The following UGT1A5 variants were observed in gnomAD, a reference collection of about 807,000 sequenced individuals.
UGT1A5 encodes UDP-glucuronosyltransferase 1A5.
UGT1A5 carries 29 observed loss-of-function variants against 40.3 expected under a neutral mutation model. The ratio of observed to expected loss-of-function variants is 0.72; its 90% CI spans 0.54 to 0.98. UGT1A5 has a LOEUF of 0.98. Ranked by LOEUF, UGT1A5 falls within the 50% of genes least tolerant of loss-of-function variation. The pLI is 0.00. For synonymous variants in UGT1A5, 257 were observed against 262.5 expected (o/e 0.98, Z 0.20); for missense variants, 678 against 677.9 (o/e 1.00, Z 0.00).
intron 1 of UGT1A5, chr2:233,756,286 A>G (rs1696165566): frequency 6.6e-6 from 1 of 152,218 alleles, no homozygotes; most frequent in African/African-American, 2.4e-5. Flanking sequence ...ATAAAATGAC[A>G]CAGTATTTGT....
At chr2:233,768,541 A>G in intron 4 of UGT1A5, 102 bp downstream of exon 4, 3 of 1,492,216 alleles carry the variant, frequency 2.0e-6, no homozygotes, top group South Asian at 1.3e-5. Context: ...GTTGTTTCAA[A>G]TATAAAAACA....
intron 1 of UGT1A5, among the ~76,000 whole-genome samples, chr2:233,731,282 T>C (rs1433914166): frequency 1.4e-5 from 2 of 144,984 alleles, no homozygotes; most frequent in African/African-American, 2.6e-5. Context: ...CAGTTTTTCT[T>C]TCTTTTTTTT....
intron 2 of UGT1A5, 141 bp downstream of exon 2, chr2:233,767,306 T>A: frequency 6.6e-7 from 1 of 1,507,862 alleles, no homozygotes; most frequent in Non-Finnish European, 8.8e-7. Flanking sequence ...AATCCAAAGG[T>A]TTTTTTTGTT....
Position 233,713,057 on chromosome 2 carries a change from C to T in UGT1A5, c.66C>T (p.Val22=), listed in dbSNP as rs145133773. The change falls in exon 1 of 5, where the codon GTC becomes GTT. Residue 22 remains valine (V), a synonymous_variant. Transcript: ENST00000373414. ...LATGLLLLLS[V]QPWAESGKVL... ...CAGGACTGCTGCTTCTCCTCAGTGT[C>T]CAGCCCTGGGCTGAGAGTGGGAAGG... 14 of 1,613,998 alleles carry T rather than the reference C, an allele frequency of 8.7e-6. No individual in the cohort carries two copies. Among genetic ancestry groups the T allele is most frequent in the Non-Finnish European group, 1.2e-5 (14 of 1,180,042 alleles).
intron 1 of UGT1A5, among the ~76,000 whole-genome samples, chr2:233,745,730 G>T (rs1693190867): frequency 6.6e-6 from 1 of 150,482 alleles, no homozygotes; most frequent in Non-Finnish European, 1.5e-5. Context: ...GAGGGTAAGA[G>T]GCAGAGGGAG....
At chr2:233,718,604 T>G (rs1205248797) in intron 1 of UGT1A5, among the ~76,000 whole-genome samples, 1 of 152,226 alleles carries the variant, frequency 6.6e-6, no homozygotes, top group East Asian at 1.9e-4. Flanking sequence ...CAGATGAGCT[T>G]TTCAAGATAG....
At chr2:233,730,735 G>A (rs1037091205) in intron 1 of UGT1A5, among the ~76,000 whole-genome samples, 2 of 152,096 alleles carry the variant, frequency 1.3e-5, no homozygotes, top group African/African-American at 2.4e-5. Flanking sequence ...ATGGCGGAAG[G>A]GGCTAGGGAG....
At chr2:233,730,558 T>A (rs898063469) in intron 1 of UGT1A5, among the ~76,000 whole-genome samples, 1 of 152,142 alleles carries the variant, frequency 6.6e-6, no homozygotes, top group African/African-American at 2.4e-5. Context: ...GATTAGAGAA[T>A]GACACACGAA....
rs886044684 is a variant in UGT1A5 at position 233,767,925 on chromosome 2, A to G, written c.1076A>G (p.Asn359Ser). The G allele has an allele frequency of 1.2e-6, 2 of 1,614,156 alleles. No homozygotes were observed. Among genetic ancestry groups the G allele is most frequent in the Non-Finnish European group, 1.7e-6 (2 of 1,180,038 alleles). The change falls in exon 3 of 5, where the codon AAC (asparagine) becomes AGC (serine). Residue 359 changes from asparagine (N) to serine (S), a missense_variant. Transcript: ENST00000373414. ...ATACTTGTTAAGTGGCTACCCCAAA[A>G]CGATCTGCTTGGTATGTTGGGCGGA... ...NTILVKWLPQ[N>S]DLLGHPMTRA...
chr2:233,757,560 A>ATATATATATATATATATATATATATGTG (rs904896556), intron 1 of UGT1A5, among the ~76,000 whole-genome samples: 2 of 123,156 alleles, frequency 1.6e-5, no homozygotes, highest in African/African-American at 6.8e-5. Context: ...ATATATATAT[A>ATATATATATATATATATATATATATGTG]TGTATATATG....
rs561829360 is a variant in UGT1A5, at chr2:233,716,811, T to C, written c.867+2953T>C. On this transcript the variant is annotated intron_variant, in intron 1 of 4. Coordinates refer to ENST00000373414, the MANE Select transcript of UGT1A5 (RefSeq NM_019078.2). ...GCCTTTTTCTGTCTCTGGACGTTGC[T>C]GGGGTGACCTCACTGACACCCATGG... 6.6e-5 allele frequency among the ~76,000 whole-genome samples: 10 copies of C among 152,310 alleles called. No homozygotes were observed. The East Asian group carries it at 9.6e-4, about 15-fold the overall frequency.
chr2:233,712,956 G>A lies in UGT1A5; in HGVS notation c.-36G>A. ...GAAACAATTCTAGGAGGCACAACGT[G>A]GGGTGGACAGTCAGCTGTCGGTGGC... On this transcript the variant is annotated 5_prime_UTR_variant, in exon 1 of 5. Coordinates refer to ENST00000373414, the MANE Select transcript of UGT1A5 (RefSeq NM_019078.2). 2 of 1,612,860 alleles carry A rather than the reference G, an allele frequency of 1.2e-6. No homozygotes were observed. Among genetic ancestry groups the A allele is most frequent in the Non-Finnish European group, 1.7e-6 (2 of 1,180,042 alleles).
intron 1 of UGT1A5, among the ~76,000 whole-genome samples, chr2:233,735,706 TG>T (rs200320435): frequency 0.013 from 1,981 of 152,300 alleles, 51 homozygotes; most frequent in African/African-American, 0.046. Context: ...GCAGGCCTGG[TG>T]GTGACAAAAT....
At chr2:233,753,258 G>C (rs935441896) in intron 1 of UGT1A5, 1 of 152,170 alleles carries the variant, frequency 6.6e-6, no homozygotes. Context: ...CAACTACCCA[G>C]GCACCTTGGA....
At position 233,757,048 on chromosome 2, in the gene UGT1A5, T is replaced by C. The variant is rs536754863; in HGVS notation, c.868-9986T>C. On this transcript the variant is annotated intron_variant, in intron 1 of 4. Transcript: ENST00000373414. ...CAATTTGAGAACATCAAAGGAAGTT[T>C]GGGGAACAGCAAGGGATCCAGAATG... is the stretch of plus-strand genomic sequence containing the variant. Among the ~76,000 whole-genome samples, 5 of 151,546 alleles carry C rather than the reference T, an allele frequency of 3.3e-5. No individual in the cohort carries two copies. In the South Asian group the frequency reaches 1.0e-3, roughly 32 times the overall value.
chr2:233,730,105 C>G, intron 1 of UGT1A5: 1 of 1,574,650 alleles, frequency 6.4e-7, no homozygotes, highest in Non-Finnish European at 8.6e-7. Context: ...TATTTCATTT[C>G]TGCTTCTCCT....
At chr2:233,727,612 G>A (rs1475048958) in intron 1 of UGT1A5, among the ~76,000 whole-genome samples, 1 of 152,194 alleles carries the variant, frequency 6.6e-6, no homozygotes, top group Non-Finnish European at 1.5e-5. Flanking sequence ...GAATAGTTCA[G>A]AGGCTGAGAG....
intron 1 of UGT1A5, among the ~76,000 whole-genome samples, chr2:233,731,608 A>C (rs2078181634): frequency 6.6e-6 from 1 of 152,230 alleles, no homozygotes. Context: ...TGCAAAGGAC[A>C]TGAACTCATC....
In UGT1A5 at chr2:233,729,814, C is replaced by T. The variant is rs776482922; in HGVS notation, c.867+15956C>T. The T allele has an allele frequency of 2.5e-6, 4 of 1,613,896 alleles. No homozygotes were observed. In the South Asian group the frequency reaches 3.3e-5, roughly 13 times the overall value. The stretch of plus-strand genomic sequence containing the variant: ...CTACATTTGCCATGCTTTTTCTGCT[C>T]CTTATGCAAGCCTTGCCTCTGAGCT... On this transcript the variant is annotated intron_variant, in intron 1 of 4. Coordinates refer to ENST00000373414, the MANE Select transcript of UGT1A5 (RefSeq NM_019078.2).
Sources: allele counts gnomAD v4.1 joint callset (sites outside exome capture counted in the v4.1 genomes callset), GRCh38; gene constraint gnomAD v4.1.1; transcripts MANE v1.5; gene names NCBI Gene and HGNC (gene_info 2026-07-23, HGNC 2026-07-21).